The following BCAS3 variants were observed in gnomAD, a reference collection of about 807,000 sequenced individuals.
BCAS3 encodes the protein BCAS3 microtubule associated cell migration factor.
Under a neutral mutation model 116.1 loss-of-function variants are expected in BCAS3, and 53 were observed. The observed-to-expected ratio is 0.46, with a 90% CI of 0.37 to 0.57. The LOEUF (loss-of-function observed/expected upper bound fraction) is 0.57, where lower values mean the gene tolerates loss of function less well. Ranked by LOEUF, BCAS3 falls within the 20% of genes least tolerant of loss-of-function variation. The pLI is 0.00. For synonymous variants in BCAS3, 391 were observed against 408.2 expected, an observed-to-expected ratio of 0.96 and a Z score of 0.51; for missense variants, 917 against 1,165.4, an observed-to-expected ratio of 0.79 and a Z score of 3.10.
rs552321976 is a variant in BCAS3, at chr17:61,040,883, C to T, written c.2020C>T (p.Leu674Phe). ...ADAVQYYQFL[L>F]AGLVPPGSPG... ...TGCAGTACAGTATTATCAGTTCCTG[C>T]TTGCTGGCCGTAAGTAGTTCAGATT... Residue 674 changes from leucine (L) to phenylalanine (F), a missense_variant, in exon 19 of 24, where the codon CTT (leucine) becomes TTT (phenylalanine). By Grantham distance (22) the Leu-to-Phe change is conservative. Around this residue, in one of 3 missense-constraint regions of BCAS3, gnomAD observed 807 missense variants for 1,026.0 expected, o/e 0.79. Coordinates refer to ENST00000407086, the MANE Select transcript of BCAS3 (RefSeq NM_017679.5). 8.1e-6 allele frequency: 13 copies of T among 1,613,574 alleles called. No individual in the cohort carries two copies. The South Asian group carries it at 1.3e-4, about 16-fold the overall frequency.
intron 5 of BCAS3, among the ~76,000 whole-genome samples, chr17:60,710,653 G>C (rs1454403290): frequency 1.3e-5 from 2 of 151,704 alleles, no homozygotes; most frequent in East Asian, 1.9e-4. Context: ...GGATGATCTT[G>C]ATCTGCTGAC....
rs2074557552 is a variant in BCAS3 at position 61,105,087 on chromosome 17, C to T, written c.2425+20523C>T. Among the ~76,000 whole-genome samples the T allele has an allele frequency of 6.6e-6, 1 of 152,164 alleles. No homozygotes were observed. Among genetic ancestry groups the T allele is most frequent in the African/African-American group, 2.4e-5 (1 of 41,440 alleles). ...TGGAACCATAGCTGCATTTCCATCT[C>T]TTTCATCCCTCCCTTTTTATGAGAA... On this transcript the variant is annotated intron_variant, in intron 22 of 23. Transcript: ENST00000407086. The surrounding 1 kb of genome is among the most constrained non-coding windows in gnomAD (Gnocchi z 4.3).
At chr17:60,854,803 C>T (rs2053509418) in intron 7 of BCAS3, among the ~76,000 whole-genome samples, 1 of 152,154 alleles carries the variant, frequency 6.6e-6, no homozygotes, top group African/African-American at 2.4e-5. Context: ...TCCACACAGC[C>T]TGCACATGAA....
At chr17:60,854,046 C>G (rs914606124) in intron 7 of BCAS3, among the ~76,000 whole-genome samples, 3 of 152,014 alleles carry the variant, frequency 2.0e-5, no homozygotes, top group African/African-American at 7.3e-5. Context: ...GCTATCCTTC[C>G]CCCCTCCCCC....
In BCAS3 at chr17:61,128,609, G is replaced by A. The variant is rs2076168202; in HGVS notation, c.2425+44045G>A. 1 of 984,240 alleles carries A rather than the reference G, an allele frequency of 1.0e-6. No homozygotes were observed. Among genetic ancestry groups the A allele is most frequent in the African/African-American group, 1.7e-5 (1 of 57,192 alleles). 61.0% of individuals were successfully genotyped at this position (984,240 alleles called of 1,614,324 possible). On this transcript the variant is annotated intron_variant, in intron 22 of 23. Coordinates refer to ENST00000407086, the MANE Select transcript of BCAS3 (RefSeq NM_017679.5). This position sits in a 1 kb window ranked among gnomAD's most constrained non-coding sequence, Gnocchi z 4.1. ...TAAAAAAAGTATGGAGAGAGAGAAA[G>A]CAAGTAACCCAGCAGAGTTTGTGAC...
rs2081266178 is a variant in BCAS3 at position 61,208,326 on chromosome 17, G to GAAA, written c.2425+123762_2425+123763insAAA. 6.6e-6 allele frequency among the ~76,000 whole-genome samples: 1 copy of GAAA among 152,136 alleles called. No individual in the cohort carries two copies. The highest frequency in any genetic ancestry group is 2.4e-5 in the African/African-American group (1 of 41,430). On this transcript the variant is annotated intron_variant, in intron 22 of 23. Transcript: ENST00000407086. This position sits in a 1 kb window ranked among gnomAD's most constrained non-coding sequence, Gnocchi z 4.5. ...GGGACCAGAGAATTTTCTTCTTGATGTTCTGTTAAAGCCTTGCTAAGCTCT... is the reference window on the plus strand; with the variant it reads ...GGGACCAGAGAATTTTCTTCTTGATGAAATTCTGTTAAAGCCTTGCTAAGCTCT...
chr17:60,973,806 G>A (rs1400677927), intron 14 of BCAS3, among the ~76,000 whole-genome samples: 1 of 151,870 alleles, frequency 6.6e-6, no homozygotes, highest in Admixed American at 6.6e-5. Context: ...TGGCCAGGCT[G>A]GTCTTGAACC....
intron 4 of BCAS3, among the ~76,000 whole-genome samples, chr17:60,704,292 C>T (rs1188781360): frequency 6.6e-6 from 1 of 152,008 alleles, no homozygotes; most frequent in Non-Finnish European, 1.5e-5. Flanking sequence ...AGTGCACACC[C>T]GGAATTAACG....
At chr17:60,698,234 T>C (rs2035899212) in intron 4 of BCAS3, among the ~76,000 whole-genome samples, 1 of 149,228 alleles carries the variant, frequency 6.7e-6, no homozygotes, top group South Asian at 2.1e-4. Flanking sequence ...TAAATAGTGA[T>C]TCTATGATAG....
Position 61,286,537 on chromosome 17 carries a change from G to C in BCAS3, c.2426-81790G>C, listed in dbSNP as rs1324975797. ...TTCTCACGTTAGCATGCTGCTGCTTGGTGCACGACCAAAAAGTAACATGTC... is the reference window on the plus strand; with the variant it reads ...TTCTCACGTTAGCATGCTGCTGCTTCGTGCACGACCAAAAAGTAACATGTC... On this transcript the variant is annotated intron_variant, in intron 22 of 23. Coordinates refer to ENST00000407086, the MANE Select transcript of BCAS3 (RefSeq NM_017679.5). This position sits in a 1 kb window ranked among gnomAD's most constrained non-coding sequence, Gnocchi z 4.8. Among the ~76,000 whole-genome samples the C allele has an allele frequency of 2.0e-5, 3 of 152,142 alleles. No individual in the cohort carries two copies. Among genetic ancestry groups the C allele is most frequent in the African/African-American group, 7.2e-5 (3 of 41,426 alleles).
At chr17:60,930,394 C>T (rs1463252551) in intron 13 of BCAS3, among the ~76,000 whole-genome samples, 1 of 152,218 alleles carries the variant, frequency 6.6e-6, no homozygotes, top group Non-Finnish European at 1.5e-5. Flanking sequence ...CTTACTCAAA[C>T]CAGTTTACCT....
chr17:61,298,303 C>T (rs1398028936), intron 22 of BCAS3, among the ~76,000 whole-genome samples: 1 of 152,164 alleles, frequency 6.6e-6, no homozygotes, highest in Non-Finnish European at 1.5e-5. Context: ...ACACTCACTA[C>T]AGCCCTTAAC....
intron 22 of BCAS3, among the ~76,000 whole-genome samples, chr17:61,246,304 A>C (rs1046554351): frequency 6.6e-6 from 1 of 151,710 alleles, no homozygotes; most frequent in Admixed American, 6.6e-5. Context: ...AACATGACGA[A>C]ACCCCATCTC....
chr17:60,939,399 T>A (rs930987736), intron 13 of BCAS3, among the ~76,000 whole-genome samples: 1 of 151,898 alleles, frequency 6.6e-6, no homozygotes, highest in African/African-American at 2.4e-5. Context: ...GCCACTGCAC[T>A]CCAGCCTGGT....
At chr17:60,802,845 T>A (rs1598820489) in intron 6 of BCAS3, among the ~76,000 whole-genome samples, 1 of 152,134 alleles carries the variant, frequency 6.6e-6, no homozygotes, top group South Asian at 2.1e-4. Flanking sequence ...GCCAGGCTGG[T>A]CTTGAACTCC....
chr17:61,156,628 G>A lies in BCAS3; in HGVS notation c.2425+72064G>A, dbSNP rs1601623156. 3.3e-5 allele frequency among the ~76,000 whole-genome samples: 5 copies of A among 152,232 alleles called. No homozygotes were observed. The highest frequency in any genetic ancestry group is 9.6e-5 in the African/African-American group (4 of 41,546). ...TTTCATCATTTGGTAAGAAATTTCAGAGGGATTTTTAAATATGAAACTGTG... is the reference window on the plus strand; with the variant it reads ...TTTCATCATTTGGTAAGAAATTTCAAAGGGATTTTTAAATATGAAACTGTG... On this transcript the variant is annotated intron_variant, in intron 22 of 23. Transcript: ENST00000407086. This position sits in a 1 kb window ranked among gnomAD's most constrained non-coding sequence, Gnocchi z 4.7.
rs36003206 is a variant in BCAS3, at chr17:61,282,918, A to T, written c.2426-85409A>T. On this transcript the variant is annotated intron_variant, in intron 22 of 23. Coordinates refer to ENST00000407086, the MANE Select transcript of BCAS3 (RefSeq NM_017679.5). The surrounding 1 kb of genome is among the most constrained non-coding windows in gnomAD (Gnocchi z 5.9). ...GGGAGAAATCACAGTAAAAATATAT[A>T]TTTTCAATATATTTGTATATTATAT... is the stretch of plus-strand genomic sequence containing the variant. Among the ~76,000 whole-genome samples the T allele has an allele frequency of 0.1, 15,182 of 150,060 alleles. 891 individuals carry two copies. Among genetic ancestry groups the T allele is most frequent in the African/African-American group, 0.16 (6,645 of 40,818 alleles).
chr17:60,926,797 A>G (rs1479198431), intron 13 of BCAS3, among the ~76,000 whole-genome samples: 3 of 152,218 alleles, frequency 2.0e-5, no homozygotes, highest in East Asian at 1.9e-4. Context: ...AACATATTAT[A>G]TAATATAAAG....
At chr17:61,280,560 G>C (rs1314713375) in intron 22 of BCAS3, among the ~76,000 whole-genome samples, 1 of 152,170 alleles carries the variant, frequency 6.6e-6, no homozygotes, top group Admixed American at 6.5e-5. Context: ...TTTATTCTCT[G>C]TGCTTCAATG....
Sources: allele counts gnomAD v4.1 joint callset (sites outside exome capture counted in the v4.1 genomes callset), GRCh38; gene constraint gnomAD v4.1.1; regional missense constraint gnomAD v4.1.1; non-coding constraint Gnocchi (gnomAD v3.1); transcripts MANE v1.5; gene names NCBI Gene and HGNC (gene_info 2026-07-23, HGNC 2026-07-21).